Variants in LOX observed in about 807,000 individuals in gnomAD.
The protein encoded by LOX is lysyl oxidase.
A neutral mutation model predicts 50.5 loss-of-function variants in LOX; 12 were observed. The observed-to-expected ratio is 0.24, with a 90% confidence interval of 0.15 to 0.38. The LOEUF (loss-of-function observed/expected upper bound fraction) is 0.38. LOX is among the 10% of genes least tolerant of loss of function. LOX has a pLI of 1.00. For synonymous variants in LOX, 254 were observed against 230.6 expected, an observed-to-expected ratio of 1.10 and a Z score of -0.92; for missense variants, 504 against 563.8, an observed-to-expected ratio of 0.89 and a Z score of 1.07.
In LOX at chr5:122,074,075, G is replaced by T; in HGVS notation, c.973C>A (p.Leu325Ile). 4 of 1,614,122 alleles carry T rather than the reference G, an allele frequency of 2.5e-6. No homozygotes were observed. Among genetic ancestry groups the T allele is most frequent in the Non-Finnish European group, 3.4e-6 (4 of 1,179,982 alleles). Residue 325 changes from leucine to isoleucine, a missense_variant, in exon 4 of 7, where the codon CTT becomes ATT. Around this residue, in one of 2 missense-constraint regions of LOX, gnomAD observed 106 missense variants for 198.1 expected, o/e 0.54. Coordinates refer to ENST00000231004, the MANE Select transcript of LOX (RefSeq NM_002317.7). The stretch of plus-strand genomic sequence containing the variant: ...CCATAGTCACAGGATGTGTCTTCAA[G>T]ACAGAAACTTGCTTTGTGGCCTTCA... ...VAEGHKASFC[L>I]EDTSCDYGYH...
Position 122,065,849 on chromosome 5 carries a change from C to T in LOX, c.*894G>A, listed in dbSNP as rs1561414847. On this transcript the variant is annotated 3_prime_UTR_variant, in exon 7 of 7. Transcript: ENST00000231004. ...AAGAAAATTGTATCTTTGGCAAATA[C>T]TTTAATATGTTTAAATGCATTTTAC... The T allele has an allele frequency of 6.6e-6, 1 of 151,940 alleles. No homozygotes were observed. The highest frequency in any genetic ancestry group is 1.5e-5 in the Non-Finnish European group (1 of 67,954). The allele number at this position is 151,940 out of a possible 1,614,324, so 9.4% of individuals were successfully genotyped here. A position where few individuals can be genotyped will look rare whatever the true frequency, so the allele number is the denominator to read the frequency against.
chr5:122,069,826 T>C, intron 6 of LOX: 1 of 516,936 alleles, frequency 1.9e-6, no homozygotes, highest in Non-Finnish European at 3.7e-6. Flanking sequence ...TGTTTATGTC[T>C]TCTCCTGAAA....
intron 4 of LOX, among the ~76,000 whole-genome samples, chr5:122,070,933 T>C (rs1475578584): frequency 6.6e-6 from 1 of 152,138 alleles, no homozygotes; most frequent in African/African-American, 2.4e-5. Flanking sequence ...TTATCTTAGC[T>C]CAAATGTCCT....
chr5:122,066,484 T>C lies in LOX; in HGVS notation c.*259A>G, dbSNP rs1754301323. 5.2e-6 allele frequency: 2 copies of C among 387,046 alleles called. No individual in the cohort carries two copies. The highest frequency in any genetic ancestry group is 7.2e-4 in the Middle Eastern group (1 of 1,382). 24.0% of individuals were successfully genotyped at this position (387,046 alleles called of 1,614,324 possible). On this transcript the variant is annotated 3_prime_UTR_variant, in exon 7 of 7. Coordinates refer to ENST00000231004, the MANE Select transcript of LOX (RefSeq NM_002317.7). ...TGGATTTCTTTGAAAGAGTCAAATA[T>C]GTAATTACAGAATTGAAACACTGTG...
At chr5:122,074,871 A>C (rs1218491421) in intron 3 of LOX, among the ~76,000 whole-genome samples, 2 of 152,240 alleles carry the variant, frequency 1.3e-5, no homozygotes, top group Non-Finnish European at 2.9e-5. Context: ...ACACCCAGGC[A>C]AGTTACTAAG....
chr5:122,075,478 T>C lies in LOX; in HGVS notation c.804A>G (p.Arg268=), dbSNP rs746501512. The C allele has an allele frequency of 3.1e-6, 5 of 1,613,458 alleles. No individual in the cohort carries two copies. The highest frequency in any genetic ancestry group is 1.7e-5 in the Admixed American group (1 of 59,982). The part of the protein sequence containing the change: ...DHRVLLRFPQ[R]VKNQGTSDFL... Reference sequence around the variant, plus strand: ...AATCTGATGTCCCTTGGTTTTTCACTCTTTGGGGAAATCTGAGCAGCACCC... The same window carrying C: ...AATCTGATGTCCCTTGGTTTTTCACCCTTTGGGGAAATCTGAGCAGCACCC... Residue 268 remains arginine, a synonymous_variant, in exon 3 of 7, where the codon AGA becomes AGG. Transcript: ENST00000231004.
In LOX at chr5:122,075,460, T is replaced by C. The variant is rs758372464; in HGVS notation, c.822A>G (p.Thr274=). The change falls in exon 3 of 7, where the codon ACA becomes ACG. Residue 274 remains threonine, a synonymous_variant. Coordinates refer to ENST00000231004, the MANE Select transcript of LOX (RefSeq NM_002317.7). The stretch of plus-strand genomic sequence containing the variant: ...TTGGTCGGCTGGGTAAGAAATCTGA[T>C]GTCCCTTGGTTTTTCACTCTTTGGG... The part of the protein sequence containing the change: ...RFPQRVKNQG[T]SDFLPSRPRY... 3.7e-6 allele frequency: 6 copies of C among 1,613,736 alleles called. No homozygotes were observed. The highest frequency in any genetic ancestry group is 8.5e-7 in the Non-Finnish European group (1 of 1,179,824).
At position 122,078,128 on chromosome 5, in the gene LOX, T is replaced by C. The variant is rs1580568930; in HGVS notation, c.-143A>G. 1.4e-6 allele frequency: 1 copy of C among 709,360 alleles called. No homozygotes were observed. The highest frequency in any genetic ancestry group is 3.4e-5 in the East Asian group (1 of 29,674). The allele number at this position is 709,360 out of a possible 1,614,324, so 43.9% of individuals were successfully genotyped here. A position where few individuals can be genotyped will look rare whatever the true frequency, so the allele number is the denominator to read the frequency against. ...GGGTATCTCAGTCTCCACCAAGCAA[T>C]GCCAAGGGTGGGATTCAGACCCTTC... On this transcript the variant is annotated 5_prime_UTR_variant, in exon 1 of 7. Coordinates refer to ENST00000231004, the MANE Select transcript of LOX (RefSeq NM_002317.7).
intron 4 of LOX, among the ~76,000 whole-genome samples, chr5:122,072,458 T>C (rs1340593261): frequency 6.6e-6 from 1 of 152,226 alleles, no homozygotes; most frequent in African/African-American, 2.4e-5. Context: ...TCAACTGTTT[T>C]AGTTTCGTAT....
Position 122,065,133 on chromosome 5 carries a change from C to T in LOX, c.*1610G>A, listed in dbSNP as rs1181705830. On this transcript the variant is annotated 3_prime_UTR_variant, in exon 7 of 7. Transcript: ENST00000231004. ...TCTGTCTGTATTGTCTACTGGTAAG[C>T]TTGTGCCCTGGTGGCTAAGGATCAT... The T allele has an allele frequency of 6.6e-6, 1 of 152,048 alleles. No individual in the cohort carries two copies. The highest frequency in any genetic ancestry group is 1.5e-5 in the Non-Finnish European group (1 of 67,984). 9.4% of individuals were successfully genotyped at this position (152,048 alleles called of 1,614,324 possible).
intron 6 of LOX, among the ~76,000 whole-genome samples, chr5:122,068,689 A>G (rs548634222): frequency 6.6e-6 from 1 of 152,268 alleles, no homozygotes; most frequent in South Asian, 2.1e-4. Flanking sequence ...GAAATTCATA[A>G]GTAATTAACT....
chr5:122,064,248 C>G lies in LOX; in HGVS notation c.*2495G>C, dbSNP rs1754240995. The G allele has an allele frequency of 6.6e-6, 1 of 151,684 alleles. No homozygotes were observed. The highest frequency in any genetic ancestry group is 2.4e-5 in the African/African-American group (1 of 41,324). 9.4% of individuals were successfully genotyped at this position (151,684 alleles called of 1,614,324 possible). On this transcript the variant is annotated 3_prime_UTR_variant, in exon 7 of 7. Coordinates refer to ENST00000231004, the MANE Select transcript of LOX (RefSeq NM_002317.7). ...TCTGTGTTATTTTATTAATTGATAACCTTCATCAACTAATTATTATCTTTG... is the reference window on the plus strand; with the variant it reads ...TCTGTGTTATTTTATTAATTGATAAGCTTCATCAACTAATTATTATCTTTG...
intron 2 of LOX, among the ~76,000 whole-genome samples, chr5:122,076,524 A>G (rs530128938): frequency 6.6e-6 from 1 of 152,332 alleles, no homozygotes; most frequent in East Asian, 1.9e-4. Flanking sequence ...TTAAGGGGGT[A>G]TTAACACACC....
intron 4 of LOX, 26 bp from the exon 5 acceptor site, chr5:122,070,615 A>G (rs1327413707): frequency 7.9e-7 from 1 of 1,270,992 alleles, no homozygotes; most frequent in Non-Finnish European, 1.1e-6. Context: ...TAAAAAATTT[A>G]AAATTATGGT....
In LOX at chr5:122,077,516, AG is replaced by A; in HGVS notation, c.469del (p.Leu157CysfsTer80). 1 of 1,613,784 alleles carries A rather than the reference AG, an allele frequency of 6.2e-7. No homozygotes were observed. Among genetic ancestry groups the A allele is most frequent in the Non-Finnish European group, 8.5e-7 (1 of 1,179,982 alleles). On this transcript the variant is annotated frameshift_variant, in exon 1 of 7. Coordinates refer to ENST00000231004, the MANE Select transcript of LOX (RefSeq NM_002317.7). LOFTEE classifies it high-confidence loss of function. The surrounding 1 kb of genome is among the most constrained non-coding windows in gnomAD (Gnocchi z 4.9). ...GCCGTCCACGCGGCTGGGCGGCCGCAGGTTACTGAGCGCAGGAACTTCTCCC... is the reference window on the plus strand; with the variant it reads ...GCCGTCCACGCGGCTGGGCGGCCGCAGTTACTGAGCGCAGGAACTTCTCCC... ...APGEVPALSN[L>X]RPPSRVDGMV...
At chr5:122,072,733 T>G (rs1754485434) in intron 4 of LOX, among the ~76,000 whole-genome samples, 1 of 152,112 alleles carries the variant, frequency 6.6e-6, no homozygotes, top group African/African-American at 2.4e-5. Flanking sequence ...AAAGAACATA[T>G]ATGGAAGATG....
rs1035355276 is a variant in LOX at position 122,076,753 on chromosome 5, A to G, written c.740+140T>C. The G allele has an allele frequency of 4.5e-6, 3 of 661,708 alleles. No individual in the cohort carries two copies. The African/African-American group carries it at 5.4e-5, about 12-fold the overall frequency. The allele number at this position is 661,708 out of a possible 1,614,324, so 41.0% of individuals were successfully genotyped here. On this transcript the variant is annotated intron_variant, in intron 2 of 6. Transcript: ENST00000231004. ...ACTCTCCGTCCAGGTCAGCATGCCCAGGAGGTCACGTCCCACTTCCCAGCT... is the reference window on the plus strand; with the variant it reads ...ACTCTCCGTCCAGGTCAGCATGCCCGGGAGGTCACGTCCCACTTCCCAGCT...
In LOX at chr5:122,063,370, G is replaced by C. The variant is rs983946191; in HGVS notation, c.*3373C>G. The C allele has an allele frequency of 3.3e-5, 5 of 151,814 alleles. No homozygotes were observed. The highest frequency in any genetic ancestry group is 7.4e-5 in the Non-Finnish European group (5 of 67,864). The allele number at this position is 151,814 out of a possible 1,614,324, so 9.4% of individuals were successfully genotyped here. A position where few individuals can be genotyped will look rare whatever the true frequency, so the allele number is the denominator to read the frequency against. On this transcript the variant is annotated 3_prime_UTR_variant, in exon 7 of 7. Transcript: ENST00000231004. ...TACAAATAACATTCCTGAAAAATTT[G>C]GGAGAAGCTAAAACTTCACTAAAAA...
rs368701932 is a variant in LOX, at chr5:122,070,613, T to G, written c.1036-24A>C. ...CCCTAAGATAAACAAAATAAAAAAT[T>G]TAAAATTATGGTATGTGGTCAGACT... On this transcript the variant is annotated intron_variant, in intron 4 of 6. Coordinates refer to ENST00000231004, the MANE Select transcript of LOX (RefSeq NM_002317.7). 4.9e-5 allele frequency: 65 copies of G among 1,329,544 alleles called. 1 individual carries two copies. The highest frequency in any genetic ancestry group is 4.0e-4 in the South Asian group (32 of 79,334). The allele number at this position is 1,329,544 out of a possible 1,614,324, so 82.4% of individuals were successfully genotyped here.
Sources: allele counts gnomAD v4.1 joint callset (sites outside exome capture counted in the v4.1 genomes callset), GRCh38; gene constraint gnomAD v4.1.1; regional missense constraint gnomAD v4.1.1; non-coding constraint Gnocchi (gnomAD v3.1); transcripts MANE v1.5; gene names NCBI Gene and HGNC (gene_info 2026-07-23, HGNC 2026-07-21).